Variants in RIN2 observed in about 807,000 individuals in gnomAD.
RIN2 encodes RAB5 interacting protein 2.
Under a neutral mutation model 78.0 loss-of-function variants are expected in RIN2, and 36 were observed. The observed-to-expected ratio is 0.46, with a 90% CI of 0.35 to 0.61. The LOEUF is 0.61. Among genes scored for constraint, RIN2 ranks in the 20% least tolerant of loss-of-function variants. The probability of loss-of-function intolerance (pLI) is 0.00; values close to 1 mark genes in which losing one functional copy is unlikely to be tolerated. For missense variants in RIN2, 1,087 were observed against 1,159.7 expected, an observed-to-expected ratio of 0.94 and a Z score of 0.91; for synonymous variants, 466 against 466.8, an observed-to-expected ratio of 1.00 and a Z score of 0.02.
rs1045321470 is a variant in RIN2, at chr20:19,975,251, C to A, written c.1226C>A (p.Thr409Lys). Residue 409 changes from threonine (T) to lysine (K), a missense_variant, in exon 9 of 13, where the codon ACA becomes AAA. Coordinates refer to ENST00000255006, the MANE Select transcript of RIN2 (RefSeq NM_018993.4). This position sits in a 1 kb window ranked among gnomAD's most constrained non-coding sequence, Gnocchi z 4.9. ...CCTGAGGCCGCCCCGGGGGATTGCACAAGGGCCCCGCCGCCCAGCTCTGAA... is the reference window on the plus strand; with the variant it reads ...CCTGAGGCCGCCCCGGGGGATTGCAAAAGGGCCCCGCCGCCCAGCTCTGAA... ...APPEAAPGDCTRAPPPSSESR... is the reference protein window; with the variant it reads ...APPEAAPGDCKRAPPPSSESR... The A allele has an allele frequency of 6.3e-7, 1 of 1,583,104 alleles. No homozygotes were observed. Among genetic ancestry groups the A allele is most frequent in the Middle Eastern group, 1.7e-4 (1 of 6,010 alleles).
rs1458149931 is a variant in RIN2, at chr20:19,963,596, C to T, written c.464-1356C>T. On this transcript the variant is annotated intron_variant, in intron 6 of 12. Transcript: ENST00000255006. ...TGCACTCCAACCTGGGCAACAACAG[C>T]GAAACTCTGTCTCCAAAAAAAAAAA... 5.9e-5 allele frequency among the ~76,000 whole-genome samples: 8 copies of T among 136,420 alleles called. No individual in the cohort carries two copies. The South Asian group carries it at 6.9e-4, about 12-fold the overall frequency. The allele number at this position is 136,420 out of a possible 152,430, so 89.5% of individuals were successfully genotyped here.
chr20:19,821,747 C>G (rs1015858679), intron 2 of RIN2, among the ~76,000 whole-genome samples: 9 of 152,112 alleles, frequency 5.9e-5, no homozygotes, highest in African/African-American at 2.2e-4. Context: ...TCTGCAACAC[C>G]CTTCTGGCCT....
chr20:19,893,845 G>A (rs1397391035), intron 3 of RIN2, among the ~76,000 whole-genome samples: 10 of 152,138 alleles, frequency 6.6e-5, no homozygotes, highest in African/African-American at 2.4e-4. Flanking sequence ...GGGCAAGGTG[G>A]GCAGATCACT....
intron 2 of RIN2, among the ~76,000 whole-genome samples, chr20:19,850,336 C>T (rs2036920612): frequency 6.6e-6 from 1 of 152,174 alleles, no homozygotes; most frequent in Non-Finnish European, 1.5e-5. Flanking sequence ...GCACAGTCTG[C>T]AGCTCCTCCG....
chr20:19,770,880 C>T (rs78194863), intron 1 of RIN2, among the ~76,000 whole-genome samples: 2 of 139,116 alleles, frequency 1.4e-5, no homozygotes, highest in African/African-American at 5.2e-5. Flanking sequence ...CCCACCCCCC[C>T]CCCCCACCTT....
intron 1 of RIN2, among the ~76,000 whole-genome samples, chr20:19,795,148 T>C (rs922552556): frequency 2.6e-5 from 4 of 152,222 alleles, no homozygotes; most frequent in Admixed American, 2.0e-4. Flanking sequence ...TCCCAAGTTG[T>C]TCCAGCTGCT....
intron 2 of RIN2, among the ~76,000 whole-genome samples, chr20:19,815,684 G>A (rs1432402722): frequency 6.6e-6 from 1 of 152,174 alleles, no homozygotes; most frequent in African/African-American, 2.4e-5. Flanking sequence ...GTGAATCACA[G>A]CTGTATTTTT....
intron 3 of RIN2, among the ~76,000 whole-genome samples, chr20:19,916,259 C>A (rs933060009): frequency 3.9e-5 from 6 of 152,114 alleles, no homozygotes; most frequent in African/African-American, 1.4e-4. Flanking sequence ...AACAAACAAA[C>A]AAAACTGAAA....
chr20:19,889,144 C>A (rs376798508), intron 2 of RIN2: 11 of 985,458 alleles, frequency 1.1e-5, no homozygotes, highest in African/African-American at 1.7e-5. Flanking sequence ...GACCTCACCC[C>A]CTTCCAGCAG....
chr20:19,848,600 C>T (rs1466814310), intron 2 of RIN2, among the ~76,000 whole-genome samples: 2 of 150,438 alleles, frequency 1.3e-5, no homozygotes, highest in South Asian at 2.1e-4. Context: ...GAAAAAAAGC[C>T]GGAGATGTAC....
intron 4 of RIN2, among the ~76,000 whole-genome samples, chr20:19,954,188 T>C (rs762295046): frequency 1.1e-4 from 16 of 151,622 alleles, no homozygotes; most frequent in Admixed American, 4.6e-4. Context: ...AGGAGTAGAG[T>C]TGTCCATGTG....
chr20:19,975,304 C>T lies in RIN2; in HGVS notation c.1279C>T (p.Gln427Ter). Residue 427 changes from glutamine (Q) to a stop codon, truncating the protein, a stop_gained, in exon 9 of 13, where the codon CAG becomes TAG. Coordinates refer to ENST00000255006, the MANE Select transcript of RIN2 (RefSeq NM_018993.4). LOFTEE classifies it high-confidence loss of function. The surrounding 1 kb of genome is among the most constrained non-coding windows in gnomAD (Gnocchi z 4.9). ...ACGGCCCCCGTGCCATGGAGGCCGG[C>T]AGCGGCTGAGCGACATGAGCATTTC... is the stretch of plus-strand genomic sequence containing the variant. ...ESRPPCHGGR[Q>*]RLSDMSISTS... 1 of 1,605,728 alleles carries T rather than the reference C, an allele frequency of 6.2e-7. No homozygotes were observed. Among genetic ancestry groups the T allele is most frequent in the Non-Finnish European group, 8.5e-7 (1 of 1,176,402 alleles).
chr20:19,979,609 T>A (rs902178182), intron 9 of RIN2, among the ~76,000 whole-genome samples: 40 of 151,802 alleles, frequency 2.6e-4, no homozygotes, highest in Admixed American at 8.5e-4. Flanking sequence ...CAGATCTGGG[T>A]TTTTTTTGTT....
intron 2 of RIN2, among the ~76,000 whole-genome samples, chr20:19,814,014 A>G (rs1000483089): frequency 2.0e-5 from 3 of 152,236 alleles, no homozygotes; most frequent in African/African-American, 4.8e-5. Flanking sequence ...GGTAAACAGC[A>G]AAATGTGCTA....
intron 2 of RIN2, among the ~76,000 whole-genome samples, chr20:19,820,636 C>G (rs2035898537): frequency 6.6e-6 from 1 of 152,112 alleles, no homozygotes; most frequent in Non-Finnish European, 1.5e-5. Flanking sequence ...TGTGTTTCCA[C>G]CAGGTTCCAG....
intron 1 of RIN2, among the ~76,000 whole-genome samples, chr20:19,795,126 G>T (rs2035014940): frequency 6.6e-6 from 1 of 152,182 alleles, no homozygotes. Context: ...GCCCAGGAAG[G>T]TCAGGACAGC....
intron 3 of RIN2, among the ~76,000 whole-genome samples, chr20:19,918,905 G>GT (rs1189692753): frequency 1.3e-5 from 2 of 152,212 alleles, no homozygotes; most frequent in African/African-American, 4.8e-5. Context: ...TATATTTGCT[G>GT]TAAGAACAGC....
At chr20:19,995,522 G>T (rs996459679) in intron 11 of RIN2, among the ~76,000 whole-genome samples, 2 of 152,084 alleles carry the variant, frequency 1.3e-5, no homozygotes, top group Non-Finnish European at 2.9e-5. Context: ...TATATGTTAG[G>T]ACAAAAACTA....
intron 3 of RIN2, among the ~76,000 whole-genome samples, chr20:19,923,468 ATAAATAAAATAAAATAAAATAAAT>A: frequency 7.1e-5 from 9 of 126,392 alleles, no homozygotes; most frequent in African/African-American, 2.8e-4. Context: ...ATAAAATAAA[ATAAATAAAATAAAATAAAATAAAT>A]ATTGGCTGAG....
Sources: allele counts gnomAD v4.1 joint callset (sites outside exome capture counted in the v4.1 genomes callset), GRCh38; gene constraint gnomAD v4.1.1; non-coding constraint Gnocchi (gnomAD v3.1); transcripts MANE v1.5; gene names NCBI Gene and HGNC (gene_info 2026-07-23, HGNC 2026-07-21).